Variants in PDIA5 observed in about 807,000 individuals in gnomAD.
The protein encoded by PDIA5 is protein disulfide isomerase family A member 5.
PDIA5 carries 58 observed loss-of-function variants against 77.6 expected under a neutral mutation model. The ratio of observed to expected loss-of-function variants is 0.75; its 90% CI spans 0.61 to 0.93. The LOEUF (loss-of-function observed/expected upper bound fraction) is 0.93, where lower values mean the gene tolerates loss of function less well. Ranked by LOEUF, PDIA5 falls within the 40% of genes least tolerant of loss-of-function variation. PDIA5 has a pLI of 0.00. For synonymous variants in PDIA5, 250 were observed against 252.1 expected (o/e 0.99, Z 0.08); for missense variants, 630 against 647.7 (o/e 0.97, Z 0.30).
chr3:123,117,005 C>G (rs1455817913), intron 8 of PDIA5, among the ~76,000 whole-genome samples: 15 of 142,662 alleles, frequency 1.1e-4, no homozygotes, highest in Non-Finnish European at 6.1e-5. Flanking sequence ...GGAGGGGAGC[C>G]TGGAGTGTTG....
chr3:123,085,278 A>C (rs990909399), intron 1 of PDIA5, among the ~76,000 whole-genome samples: 2 of 152,106 alleles, frequency 1.3e-5, no homozygotes, highest in African/African-American at 2.4e-5. Context: ...AGAGCTCTTA[A>C]TCTTGGGGAT....
intron 15 of PDIA5, among the ~76,000 whole-genome samples, chr3:123,158,568 G>A (rs571714596): frequency 3.3e-5 from 5 of 152,340 alleles, no homozygotes; most frequent in East Asian, 3.9e-4. Context: ...ACCAGGAAAC[G>A]TGACACAGAG....
chr3:123,130,587 CCT>C lies in PDIA5; in HGVS notation c.884_885del (p.Ser295CysfsTer14). ...TTTGACCAGTTTGTGAAGGAACACT[CCT>C]CTGTCCTCGTCATGTTCCACGCCCC... On this transcript the variant is annotated frameshift_variant, in exon 11 of 17. Transcript: ENST00000316218. LOFTEE classifies it high-confidence loss of function. The C allele has an allele frequency of 6.2e-7, 1 of 1,614,166 alleles. No homozygotes were observed. The highest frequency in any genetic ancestry group is 8.5e-7 in the Non-Finnish European group (1 of 1,179,982).
At chr3:123,143,575 C>G (rs1935692482) in intron 11 of PDIA5, among the ~76,000 whole-genome samples, 1 of 152,154 alleles carries the variant, frequency 6.6e-6, no homozygotes, top group African/African-American at 2.4e-5. Context: ...CTATTCCCCT[C>G]TGGACCAAAG....
At chr3:123,073,084 G>A (rs749897149) in intron 1 of PDIA5, among the ~76,000 whole-genome samples, 1 of 152,234 alleles carries the variant, frequency 6.6e-6, no homozygotes, top group Non-Finnish European at 1.5e-5. Context: ...CTGGCTCCCC[G>A]TGTGATCTGT....
chr3:123,068,526 G>T (rs909610084), intron 1 of PDIA5, among the ~76,000 whole-genome samples: 1 of 152,188 alleles, frequency 6.6e-6, no homozygotes, highest in South Asian at 2.1e-4. Flanking sequence ...TGGTCTGGGC[G>T]GGTCTCTGGG....
At chr3:123,151,791 T>TCCTGCCTGCCTGCCTTCCTG (rs1935906017) in intron 14 of PDIA5, among the ~76,000 whole-genome samples, 1 of 96,432 alleles carries the variant, frequency 1.0e-5, no homozygotes, top group African/African-American at 4.1e-5. Context: ...TGGCCTGCCT[T>TCCTGCCTGCCTGCCTTCCTG]CCTGCCTGCC....
intron 5 of PDIA5, among the ~76,000 whole-genome samples, chr3:123,104,622 T>C (rs1468175883): frequency 6.6e-6 from 1 of 152,244 alleles, no homozygotes; most frequent in Non-Finnish European, 1.5e-5. Flanking sequence ...TGGCAAAGAA[T>C]AGGAAACTCG....
rs765686244 is a variant in PDIA5, at chr3:123,161,886, G to C, written c.1486G>C (p.Gly496Arg). 30 of 1,587,766 alleles carry C rather than the reference G, an allele frequency of 1.9e-5. No homozygotes were observed. In the African/African-American group the frequency reaches 4.0e-4, roughly 21 times the overall value. The change falls in exon 17 of 17, where the codon GGA becomes CGA. Residue 496 changes from glycine to arginine, a missense_variant. By Grantham distance (125) the Gly-to-Arg change is moderately radical (BLOSUM62 -2). Transcript: ENST00000316218. ...EKYDSDRTELGFTNYIRALRE... is the reference protein window; with the variant it reads ...EKYDSDRTELRFTNYIRALRE... ...CTCTCCCACTTCCCTGCAGGAATTG[G>C]GATTTACCAATTATATTCGAGCCCT...
intron 1 of PDIA5, among the ~76,000 whole-genome samples, chr3:123,071,352 C>T (rs944195445): frequency 3.3e-5 from 5 of 152,100 alleles, no homozygotes; most frequent in African/African-American, 1.2e-4. Flanking sequence ...CTGCCTCTGC[C>T]CCTGATGGTC....
rs1260802013 is a variant in PDIA5, at chr3:123,152,111, T to TCCTTCCTTCCTG, written c.1273+1758_1273+1759insGCCTTCCTTCCT. 1.1e-3 allele frequency among the ~76,000 whole-genome samples: 83 copies of TCCTTCCTTCCTG among 74,550 alleles called. 9 individuals carry two copies. The highest frequency in any genetic ancestry group is 1.9e-3 in the Admixed American group (16 of 8,218). 48.9% of individuals were successfully genotyped at this position (74,550 alleles called of 152,430 possible). A position where few individuals can be genotyped will look rare whatever the true frequency, so the allele number is the denominator to read the frequency against. On this transcript the variant is annotated intron_variant, in intron 14 of 16. Transcript: ENST00000316218. ...TTCCTGCCTTCCTGCCTTCCTTCCT[T>TCCTTCCTTCCTG]CCTTCCTTCCTTCCTGCCTTCCTTC...
intron 1 of PDIA5, among the ~76,000 whole-genome samples, chr3:123,077,747 A>G (rs995996263): frequency 3.9e-5 from 6 of 152,084 alleles, no homozygotes; most frequent in Non-Finnish European, 8.8e-5. Context: ...ATGGTGGCTC[A>G]TGGCAGATGT....
chr3:123,092,385 T>G lies in PDIA5; in HGVS notation c.200T>G (p.Leu67Arg). The G allele has an allele frequency of 6.2e-7, 1 of 1,613,826 alleles. No homozygotes were observed. Among genetic ancestry groups the G allele is most frequent in the South Asian group, 1.1e-5 (1 of 91,052 alleles). ...EVAAENHLRL[L>R]STVAQAVKGQ... The stretch of plus-strand genomic sequence containing the variant: ...GCAGCTGAAAATCATCTCAGGTTAC[T>G]GTCCACAGTGGCCCAGGCGGTGAAA... The change falls in exon 3 of 17, where the codon CTG becomes CGG. Residue 67 changes from leucine to arginine, a missense_variant. By Grantham distance (102) the Leu-to-Arg change is moderately radical. Coordinates refer to ENST00000316218, the MANE Select transcript of PDIA5 (RefSeq NM_006810.4).
intron 14 of PDIA5, among the ~76,000 whole-genome samples, chr3:123,151,755 C>T: frequency 6.8e-6 from 1 of 146,678 alleles, no homozygotes; most frequent in African/African-American, 2.6e-5. Context: ...TGCCTGCCTG[C>T]CTGCCTGCCT....
chr3:123,074,514 G>T (rs900481044), intron 1 of PDIA5, among the ~76,000 whole-genome samples: 2 of 152,166 alleles, frequency 1.3e-5, no homozygotes, highest in African/African-American at 4.8e-5. Flanking sequence ...CAACAAGGTT[G>T]TGATAAAATA....
rs184509353 is a variant in PDIA5 at position 123,068,170 on chromosome 3, T to C, written c.42+964T>C. ...TATTTTAGGACCATCCTGGTCCTTT[T>C]CCCCTGAAGTTCCAGGGAACTTCCT... On this transcript the variant is annotated intron_variant, in intron 1 of 16. Coordinates refer to ENST00000316218, the MANE Select transcript of PDIA5 (RefSeq NM_006810.4). Among the ~76,000 whole-genome samples, 1,101 of 152,332 alleles carry C rather than the reference T, an allele frequency of 7.2e-3. 10 individuals carry two copies. Among genetic ancestry groups the C allele is most frequent in the Non-Finnish European group, 0.011 (742 of 68,020 alleles).
intron 8 of PDIA5, among the ~76,000 whole-genome samples, chr3:123,120,058 C>T (rs760517855): frequency 2.6e-5 from 4 of 152,206 alleles, no homozygotes; most frequent in African/African-American, 4.8e-5. Flanking sequence ...TTAGCAGCCA[C>T]GCTGCCCCCA....
chr3:123,079,314 G>A (rs570093802), intron 1 of PDIA5, among the ~76,000 whole-genome samples: 2 of 151,254 alleles, frequency 1.3e-5, no homozygotes, highest in East Asian at 3.9e-4. Flanking sequence ...CTGAGTAGCT[G>A]GGACTACAGG....
intron 8 of PDIA5, among the ~76,000 whole-genome samples, chr3:123,121,872 C>A (rs1016572649): frequency 6.6e-6 from 1 of 152,240 alleles, no homozygotes; most frequent in Non-Finnish European, 1.5e-5. Flanking sequence ...GACGCAGAGA[C>A]AACTGTGACT....
Sources: allele counts gnomAD v4.1 joint callset (sites outside exome capture counted in the v4.1 genomes callset), GRCh38; gene constraint gnomAD v4.1.1; transcripts MANE v1.5; gene names NCBI Gene and HGNC (gene_info 2026-07-23, HGNC 2026-07-21).